The following NCOA3 variants were observed in gnomAD, a reference collection of about 807,000 sequenced individuals.
The protein encoded by NCOA3 is nuclear receptor coactivator 3, also known as CBP-interacting protein.
NCOA3 carries 51 observed loss-of-function variants against 158.8 expected under a neutral mutation model. The ratio of observed to expected loss-of-function variants is 0.32; its 90% CI spans 0.26 to 0.41. The LOEUF is 0.41. Among genes scored for constraint, NCOA3 ranks in the 10% least tolerant of loss-of-function variants. The probability of loss-of-function intolerance (pLI) is 1.00; values close to 1 mark genes in which losing one functional copy is unlikely to be tolerated. For missense variants in NCOA3, 1,510 were observed against 1,746.6 expected (o/e 0.86, Z 2.41); for synonymous variants, 537 against 592.4 (o/e 0.91, Z 1.36).
chr20:47,635,742 T>G (rs759730630), intron 11 of NCOA3, 29 bp downstream of exon 11: 5 of 1,571,206 alleles, frequency 3.2e-6, no homozygotes, highest in Non-Finnish European at 4.3e-6. Flanking sequence ...CCTTTTATTT[T>G]TTTTCTTTTT....
At chr20:47,519,772 T>A (rs1275062666) in intron 1 of NCOA3, among the ~76,000 whole-genome samples, 17 of 149,296 alleles carry the variant, frequency 1.1e-4, no homozygotes, top group African/African-American at 2.7e-4. Flanking sequence ...CCACAGAAAA[T>A]TTTTTTTTTT....
intron 17 of NCOA3, among the ~76,000 whole-genome samples, chr20:47,646,046 C>T (rs548485657): frequency 6.6e-6 from 1 of 152,234 alleles, no homozygotes; most frequent in African/African-American, 2.4e-5. Context: ...CATTTGACAT[C>T]TGTGAGGGGT....
Position 47,647,168 on chromosome 20 carries a change from A to C in NCOA3, c.3348A>C (p.Pro1116=). The C allele has an allele frequency of 3.7e-6, 6 of 1,614,192 alleles. No individual in the cohort carries two copies. The highest frequency in any genetic ancestry group is 5.1e-6 in the Non-Finnish European group (6 of 1,180,010). ...QKAGLYGQTY[P]AQGPPMQGGF... is the part of the protein sequence containing the mutation. ...CAGGATTATATGGACAGACATACCC[A>C]GCACAGGGGCCTCCAATGCAAGGAG... Residue 1116 remains proline (P), a synonymous_variant, in exon 18 of 23, where the codon CCA becomes CCC. Coordinates refer to ENST00000371998, the MANE Select transcript of NCOA3 (RefSeq NM_181659.3).
chr20:47,637,272 A>G (rs2086530228), intron 12 of NCOA3, among the ~76,000 whole-genome samples: 2 of 152,238 alleles, frequency 1.3e-5, no homozygotes, highest in African/African-American at 4.8e-5. Flanking sequence ...GCCTATGAAC[A>G]TCCCAGCTTG....
Position 47,653,531 on chromosome 20 carries a change from G to T in NCOA3, c.*114G>T. The T allele has an allele frequency of 8.0e-7, 1 of 1,257,504 alleles. No homozygotes were observed. 77.9% of individuals were successfully genotyped at this position (1,257,504 alleles called of 1,614,324 possible). On this transcript the variant is annotated 3_prime_UTR_variant, in exon 23 of 23. Transcript: ENST00000371998. The stretch of plus-strand genomic sequence containing the variant: ...CATCTTGGAAGAAAGGACCAGCTTT[G>T]AGCTCCATCAAGGGTATTTTAAGTG...
Position 47,651,007 on chromosome 20 carries a change from T to C in NCOA3, c.3677T>C (p.Val1226Ala). The change falls in exon 20 of 23, where the codon GTC becomes GCC. Residue 1226 changes from valine (V) to alanine (A), a missense_variant. Coordinates refer to ENST00000371998, the MANE Select transcript of NCOA3 (RefSeq NM_181659.3). ...SQQGFLNAQM[V>A]AQRSRELLSH... Reference sequence around the variant, plus strand: ...CAGGGTTTTCTTAATGCTCAAATGGTCGCCCAACGCAGCAGAGAGCTGCTA... The same window carrying C: ...CAGGGTTTTCTTAATGCTCAAATGGCCGCCCAACGCAGCAGAGAGCTGCTA... 1 of 1,613,964 alleles carries C rather than the reference T, an allele frequency of 6.2e-7. No individual in the cohort carries two copies. Among genetic ancestry groups the C allele is most frequent in the Non-Finnish European group, 8.5e-7 (1 of 1,179,866 alleles).
intron 1 of NCOA3, among the ~76,000 whole-genome samples, chr20:47,561,452 C>G (rs983586884): frequency 6.6e-6 from 1 of 151,686 alleles, no homozygotes; most frequent in Non-Finnish European, 1.5e-5. Flanking sequence ...TAGGCCTGTG[C>G]CAGCACACCC....
intron 1 of NCOA3, among the ~76,000 whole-genome samples, chr20:47,505,041 C>T (rs371181538): frequency 3.5e-4 from 2 of 5,780 alleles, no homozygotes; most frequent in East Asian, 7.2e-3. Flanking sequence ...CGGGCAGGGG[C>T]GTTTTTTTTT....
chr20:47,612,873 C>CT (rs745583082), intron 2 of NCOA3, among the ~76,000 whole-genome samples: 1 of 152,190 alleles, frequency 6.6e-6, no homozygotes, highest in Non-Finnish European at 1.5e-5. Context: ...AACTTCAACT[C>CT]TGTTGCTCAT....
At chr20:47,628,051 C>A in intron 8 of NCOA3, 28 bp downstream of exon 8, 1 of 1,519,022 alleles carries the variant, frequency 6.6e-7, no homozygotes, top group South Asian at 1.1e-5. Flanking sequence ...GTCTCTCTCT[C>A]TCTCTGTGTA....
chr20:47,507,454 G>A (rs1183009475), intron 1 of NCOA3, among the ~76,000 whole-genome samples: 1 of 152,218 alleles, frequency 6.6e-6, no homozygotes, highest in Admixed American at 6.5e-5. Context: ...AACCTAATTA[G>A]TTTGTTAGTA....
intron 17 of NCOA3, 118 bp downstream of exon 17, chr20:47,642,502 T>C (rs1035818374): frequency 4.1e-5 from 23 of 562,160 alleles, no homozygotes; most frequent in Non-Finnish European, 5.7e-5. Context: ...TTGTGTTATA[T>C]CACTACATTC....
intron 3 of NCOA3, 115 bp downstream of exon 3, chr20:47,622,445 C>T (rs370306945): frequency 5.0e-5 from 33 of 663,742 alleles, no homozygotes; most frequent in African/African-American, 4.3e-4. Flanking sequence ...GGTTTCACTT[C>T]GTGGTAAGTA....
chr20:47,621,339 C>T (rs1035625002), intron 2 of NCOA3, among the ~76,000 whole-genome samples: 1 of 151,254 alleles, frequency 6.6e-6, no homozygotes, highest in African/African-American at 2.4e-5. Flanking sequence ...ATAAATCTGT[C>T]TTCCTTCCTG....
At chr20:47,626,146 A>G (rs746496962) in intron 5 of NCOA3, among the ~76,000 whole-genome samples, 3 of 152,210 alleles carry the variant, frequency 2.0e-5, no homozygotes, top group Non-Finnish European at 4.4e-5. Flanking sequence ...CTATGGTTTT[A>G]TATTCTTGAG....
intron 19 of NCOA3, 31 bp downstream of exon 19, chr20:47,649,140 G>A: frequency 1.4e-6 from 2 of 1,444,286 alleles, no homozygotes; most frequent in African/African-American, 1.4e-5. Flanking sequence ...CACATGCATT[G>A]CTCTGTGCTC....
At chr20:47,559,422 T>G (rs940929715) in intron 1 of NCOA3, among the ~76,000 whole-genome samples, 1 of 152,144 alleles carries the variant, frequency 6.6e-6, no homozygotes, top group Non-Finnish European at 1.5e-5. Flanking sequence ...TAGCAGCTTC[T>G]TAGATGAGGG....
At chr20:47,513,653 G>A (rs1177566010) in intron 1 of NCOA3, among the ~76,000 whole-genome samples, 1 of 144,602 alleles carries the variant, frequency 6.9e-6, no homozygotes, top group African/African-American at 2.6e-5. Context: ...TTGAATCCAG[G>A]AGGCAAAGGT....
intron 2 of NCOA3, among the ~76,000 whole-genome samples, chr20:47,611,436 T>G (rs566771858): frequency 3.3e-5 from 5 of 152,236 alleles, no homozygotes; most frequent in Non-Finnish European, 7.3e-5. Flanking sequence ...GAGATACTTA[T>G]GTCTGTCAAA....
Sources: gnomAD v4.1 joint callset for allele counts (sites outside exome capture counted in the v4.1 genomes callset) on GRCh38, gnomAD v4.1.1 for gene constraint, MANE v1.5 for transcripts, NCBI Gene and HGNC (gene_info 2026-07-23, HGNC 2026-07-21) for gene names.